The following ADGRV1 variants were observed in gnomAD, a reference collection of about 807,000 sequenced individuals.
The protein encoded by ADGRV1 is adhesion G protein-coupled receptor V1.
In ADGRV1, 359 loss-of-function variants were observed where a neutral mutation model predicts 596.2. The ratio of observed to expected loss-of-function variants is 0.60; its 90% CI spans 0.55 to 0.66. ADGRV1 has a LOEUF of 0.66. ADGRV1 is among the 30% of genes least tolerant of loss of function. The pLI is 0.00. For synonymous variants in ADGRV1, 2,681 were observed against 2,679.2 expected, an observed-to-expected ratio of 1.00 and a Z score of -0.02; for missense variants, 7,274 against 7,575.6, an observed-to-expected ratio of 0.96 and a Z score of 1.48.
At chr5:90,865,158 A>G (rs1401988949) in intron 83 of ADGRV1, among the ~76,000 whole-genome samples, 3 of 152,136 alleles carry the variant, frequency 2.0e-5, no homozygotes, top group African/African-American at 4.8e-5. Context: ...TAAAGGCCCT[A>G]TGAGCTATGA....
rs1773075780 is a variant in ADGRV1, at chr5:90,675,359, G to C, written c.5227G>C (p.Val1743Leu). ...EEEDGEIRLLVIRAQGLLGRV... is the reference protein window; with the variant it reads ...EEEDGEIRLLLIRAQGLLGRV... ...GGAAGATGGAGAAATCAGGTTATTG[G>C]TCATCCGTGCACAGGGACTTCTGGG... Residue 1743 changes from valine (V) to leucine (L), a missense_variant, in exon 24 of 90, where the codon GTC becomes CTC. Val to Leu is a conservative substitution (Grantham distance 32). Around this residue, in one of 5 missense-constraint regions of ADGRV1, gnomAD observed 3,643 missense variants for 3,809.2 expected, o/e 0.96. Transcript: ENST00000405460. The C allele has an allele frequency of 1.2e-6, 2 of 1,613,832 alleles. No homozygotes were observed. Among genetic ancestry groups the C allele is most frequent in the Non-Finnish European group, 1.7e-6 (2 of 1,179,850 alleles).
intron 70 of ADGRV1, among the ~76,000 whole-genome samples, chr5:90,801,532 GTT>G (rs569063879): frequency 1.4e-5 from 2 of 143,176 alleles, no homozygotes; most frequent in East Asian, 4.1e-4. Flanking sequence ...TGATTTATTT[GTT>G]TTTTTTTTTT....
chr5:90,729,879 T>C (rs1031558534), intron 50 of ADGRV1, 115 bp downstream of exon 50: 90 of 1,067,554 alleles, frequency 8.4e-5, no homozygotes, highest in Non-Finnish European at 1.2e-4. Flanking sequence ...TATTTTTTTT[T>C]TTTTGGAGAT....
intron 70 of ADGRV1, among the ~76,000 whole-genome samples, chr5:90,800,005 G>A (rs536597343): frequency 2.0e-5 from 3 of 152,242 alleles, no homozygotes; most frequent in Admixed American, 2.0e-4. Flanking sequence ...TACCATTTAG[G>A]ACATAGGTAT....
At chr5:90,787,209 A>G (rs1310074981) in intron 67 of ADGRV1, among the ~76,000 whole-genome samples, 1 of 152,192 alleles carries the variant, frequency 6.6e-6, no homozygotes, top group Non-Finnish European at 1.5e-5. Flanking sequence ...ACAAGTGCCC[A>G]ATGTTCTTTC....
intron 87 of ADGRV1, among the ~76,000 whole-genome samples, chr5:91,136,603 A>G (rs1794659458): frequency 6.6e-6 from 1 of 152,252 alleles, no homozygotes; most frequent in Non-Finnish European, 1.5e-5. Context: ...ACCTTTCTTT[A>G]TAAATTTGAT....
intron 83 of ADGRV1, among the ~76,000 whole-genome samples, chr5:90,934,263 A>G (rs1383971558): frequency 6.6e-6 from 1 of 151,906 alleles, no homozygotes; most frequent in East Asian, 1.9e-4. Context: ...TCTCTTCCTT[A>G]TCTTCATTCT....
At chr5:90,955,021 C>T (rs527675282) in intron 83 of ADGRV1, among the ~76,000 whole-genome samples, 1 of 152,024 alleles carries the variant, frequency 6.6e-6, no homozygotes, top group South Asian at 2.1e-4. Context: ...GAGATTTGTG[C>T]ACTTAGAAGA....
intron 2 of ADGRV1, among the ~76,000 whole-genome samples, chr5:90,615,921 T>C (rs750770636): frequency 6.6e-6 from 1 of 152,014 alleles, no homozygotes; most frequent in Non-Finnish European, 1.5e-5. Flanking sequence ...TTCATTGTGG[T>C]TGCTTCTAAT....
intron 34 of ADGRV1, among the ~76,000 whole-genome samples, chr5:90,700,483 A>G (rs575403771): frequency 2.0e-5 from 3 of 152,296 alleles, no homozygotes; most frequent in South Asian, 4.1e-4. Context: ...TTCAAATGTA[A>G]TGGACAGAAT....
At chr5:90,703,816 C>T (rs772285051) in intron 35 of ADGRV1, 21 bp downstream of exon 35, 4 of 1,547,654 alleles carry the variant, frequency 2.6e-6, no homozygotes, top group African/African-American at 1.4e-5. Context: ...AAAGAAAAGT[C>T]GATCACAAAT....
chr5:91,144,028 G>A (rs1429832636), intron 87 of ADGRV1, among the ~76,000 whole-genome samples: 2 of 152,164 alleles, frequency 1.3e-5, no homozygotes, highest in African/African-American at 2.4e-5. Flanking sequence ...ATTGGAGCAG[G>A]CACTGGGAGT....
At chr5:90,630,142 T>A (rs1765308667) in intron 9 of ADGRV1, 1 of 152,092 alleles carries the variant, frequency 6.6e-6, no homozygotes, top group Non-Finnish European at 1.5e-5. Context: ...GGATTATAGA[T>A]GCCTGTCACC....
At chr5:91,146,174 G>A (rs1428819852) in intron 87 of ADGRV1, among the ~76,000 whole-genome samples, 1 of 152,108 alleles carries the variant, frequency 6.6e-6, no homozygotes, top group Admixed American at 6.5e-5. Context: ...AATAATTTTA[G>A]TAACTATTTA....
At chr5:90,662,982 G>A (rs995141163) in intron 21 of ADGRV1, among the ~76,000 whole-genome samples, 3 of 149,626 alleles carry the variant, frequency 2.0e-5, no homozygotes, top group African/African-American at 4.9e-5. Flanking sequence ...TGGTGTATAT[G>A]TGCCACATTT....
At position 90,652,579 on chromosome 5, in the gene ADGRV1, A is replaced by G. The variant is rs759417939; in HGVS notation, c.3634+16A>G. 3.3e-6 allele frequency: 5 copies of G among 1,494,592 alleles called. No homozygotes were observed. The East Asian group carries it at 6.9e-5, about 21-fold the overall frequency. The allele number at this position is 1,494,592 out of a possible 1,614,324, so 92.6% of individuals were successfully genotyped here. On this transcript the variant is annotated intron_variant, in intron 19 of 89. Coordinates refer to ENST00000405460, the MANE Select transcript of ADGRV1 (RefSeq NM_032119.4). ...AACATTTCAGGTACTGTGTTTTTCC[A>G]TGTCTTATTTTATTTCCATGTCTTA...
At chr5:90,589,789 C>CT (rs1759237795) in intron 1 of ADGRV1, among the ~76,000 whole-genome samples, 1 of 151,962 alleles carries the variant, frequency 6.6e-6, no homozygotes, top group African/African-American at 2.4e-5. Flanking sequence ...TGGAATTTTG[C>CT]TTTTCAAAAA....
At chr5:90,841,058 TCA>T in intron 78 of ADGRV1, 73 bp downstream of exon 78, 2 of 1,010,274 alleles carry the variant, frequency 2.0e-6, no homozygotes, top group South Asian at 2.4e-5. Context: ...AAAACCAAAA[TCA>T]CATTCTCTTT....
chr5:90,755,755 T>G (rs1755764081), intron 55 of ADGRV1, among the ~76,000 whole-genome samples: 1 of 149,960 alleles, frequency 6.7e-6, no homozygotes, highest in Non-Finnish European at 1.5e-5. Context: ...TTAGTGTTAA[T>G]AATATTATAA....
Sources: gnomAD v4.1 joint callset for allele counts (sites outside exome capture counted in the v4.1 genomes callset) on GRCh38, gnomAD v4.1.1 for gene constraint, gnomAD v4.1.1 regional missense constraint, MANE v1.5 for transcripts, NCBI Gene and HGNC (gene_info 2026-07-23, HGNC 2026-07-21) for gene names.